Variants in PLCZ1 observed in about 807,000 individuals in gnomAD.
PLCZ1 encodes 1-phosphatidylinositol 4,5-bisphosphate phosphodiesterase zeta-1.
A neutral mutation model predicts 76.8 loss-of-function variants in PLCZ1; 64 were observed. That is an observed-to-expected ratio of 0.83 (90% confidence interval 0.68 to 1.03). The LOEUF (loss-of-function observed/expected upper bound fraction) is 1.03, where lower values mean the gene tolerates loss of function less well. Ranked by LOEUF, PLCZ1 falls within the 50% of genes least tolerant of loss-of-function variation. The pLI, the probability that PLCZ1 is intolerant of heterozygous loss-of-function variation, is 0.00. For synonymous variants in PLCZ1, 248 were observed against 230.8 expected (o/e 1.07, Z -0.68); for missense variants, 751 against 713.7 (o/e 1.05, Z -0.60).
chr12:18,667,635 G>A, the PLCZ1 span, among the ~76,000 whole-genome samples: 2 of 152,056 alleles, frequency 1.3e-5, no homozygotes, highest in Admixed American at 6.6e-5. Context: ...AGGAGTTAGC[G>A]TTTATTGAAG....
chr12:18,683,386 C>G lies in PLCZ1; in HGVS notation c.1742-62G>C. On this transcript the variant is annotated intron_variant, in intron 14 of 14. Coordinates refer to ENST00000266505, the MANE Select transcript of PLCZ1 (RefSeq NM_033123.4). The stretch of plus-strand genomic sequence containing the variant: ...AATTAATCAGTGGTGTCTCCAATAG[C>G]CTTGCTGAGAAACAAGAGCTCTTTA... The G allele has an allele frequency of 6.5e-6, 10 of 1,547,506 alleles. No individual in the cohort carries two copies. The South Asian group carries it at 1.1e-4, about 17-fold the overall frequency.
the PLCZ1 span, among the ~76,000 whole-genome samples, chr12:18,646,376 C>G: frequency 6.6e-6 from 1 of 152,084 alleles, no homozygotes; most frequent in Non-Finnish European, 1.5e-5. Flanking sequence ...AAGAGGTAGC[C>G]AAGAACACTC....
At chr12:18,671,358 C>T in the PLCZ1 span, among the ~76,000 whole-genome samples, 2 of 151,940 alleles carry the variant, frequency 1.3e-5, no homozygotes, top group East Asian at 1.9e-4. Flanking sequence ...CGAGTAAGTA[C>T]AGCTGGGAAG....
the PLCZ1 span, among the ~76,000 whole-genome samples, chr12:18,665,012 TG>T: frequency 1.5e-3 from 81 of 53,350 alleles, no homozygotes; most frequent in Middle Eastern, 0.036. Context: ...TGTTGTGGGG[TG>T]GGGGGAGGGG....
Position 18,693,135 on chromosome 12 carries a change from C to T in PLCZ1, c.1461+1775G>A, listed in dbSNP as rs968906721. ...CTTGGAAGAGATCATTGATGACAAT[C>T]ATGCCATCGTGTCTACATCTGTGGG... On this transcript the variant is annotated intron_variant, in intron 12 of 14. Coordinates refer to ENST00000266505, the MANE Select transcript of PLCZ1 (RefSeq NM_033123.4). 7.3e-5 allele frequency: 110 copies of T among 1,510,994 alleles called. 2 individuals carry two copies. In the South Asian group the frequency reaches 1.2e-3, roughly 16 times the overall value. The allele number at this position is 1,510,994 out of a possible 1,614,324, so 93.6% of individuals were successfully genotyped here.
At chr12:18,693,268 T>C (rs1954413949) in intron 12 of PLCZ1, 5 of 1,517,210 alleles carry the variant, frequency 3.3e-6, no homozygotes, top group Non-Finnish European at 4.6e-6. Context: ...GGGGTGCTGA[T>C]GGATGACATG....
intron 9 of PLCZ1, among the ~76,000 whole-genome samples, chr12:18,701,083 C>G (rs1955843276): frequency 6.6e-6 from 1 of 151,732 alleles, no homozygotes; most frequent in African/African-American, 2.4e-5. Flanking sequence ...GTCCCAGGTT[C>G]AAGCAATTCT....
At chr12:18,649,784 A>G in the PLCZ1 span, among the ~76,000 whole-genome samples, 12 of 152,162 alleles carry the variant, frequency 7.9e-5, no homozygotes, top group Non-Finnish European at 1.2e-4. Context: ...GAGTAACTCT[A>G]TCTTCCTGGA....
At chr12:18,734,679 G>A (rs934294989) in intron 3 of PLCZ1, among the ~76,000 whole-genome samples, 1 of 152,138 alleles carries the variant, frequency 6.6e-6, no homozygotes, top group Non-Finnish European at 1.5e-5. Context: ...AAAATCTTCA[G>A]GAGTTTCTAC....
intron 6 of PLCZ1, among the ~76,000 whole-genome samples, chr12:18,707,298 C>A (rs1219804537): frequency 6.6e-6 from 1 of 152,158 alleles, no homozygotes; most frequent in Admixed American, 6.5e-5. Context: ...CACTGACTCA[C>A]TCTGATCCCA....
intron 6 of PLCZ1, 149 bp downstream of exon 6, chr12:18,712,693 C>A: frequency 1.0e-6 from 1 of 957,938 alleles, no homozygotes; most frequent in Admixed American, 2.1e-5. Context: ...TAACTATATA[C>A]AACATGGATT....
intron 4 of PLCZ1, among the ~76,000 whole-genome samples, chr12:18,720,479 A>G (rs1010299964): frequency 7.9e-5 from 12 of 151,366 alleles, no homozygotes; most frequent in Non-Finnish European, 1.6e-4. Flanking sequence ...TCTATCAAGC[A>G]GAAGACTGGC....
intron 7 of PLCZ1, among the ~76,000 whole-genome samples, chr12:18,703,550 C>A (rs1956210593): frequency 6.6e-6 from 1 of 152,132 alleles, no homozygotes; most frequent in Non-Finnish European, 1.5e-5. Flanking sequence ...CAAACCCTGA[C>A]TAAATGACCT....
chr12:18,668,838 C>T, the PLCZ1 span, among the ~76,000 whole-genome samples: 24 of 152,210 alleles, frequency 1.6e-4, no homozygotes, highest in African/African-American at 4.6e-4. Context: ...TCAGAATACA[C>T]GAGTGCAGAA....
the PLCZ1 span, among the ~76,000 whole-genome samples, chr12:18,673,578 T>C: frequency 2.6e-5 from 4 of 152,228 alleles, no homozygotes; most frequent in Non-Finnish European, 4.4e-5. Flanking sequence ...TAGTTATCTA[T>C]TGTTATGTAA....
At position 18,737,988 on chromosome 12, in the gene PLCZ1, T is replaced by C. The variant is rs563994473; in HGVS notation, c.-195A>G. On this transcript the variant is annotated 5_prime_UTR_variant, in exon 1 of 15. Coordinates refer to ENST00000266505, the MANE Select transcript of PLCZ1 (RefSeq NM_033123.4). ...GTTCTTAAAATCTTCAAAAGAGGTA[T>C]AGCTGGTTGGCTGGGCACCACACTG... The C allele has an allele frequency of 6.9e-6, 3 of 436,388 alleles. No homozygotes were observed. Among genetic ancestry groups the C allele is most frequent in the South Asian group, 4.3e-5 (1 of 23,138 alleles). 27.0% of individuals were successfully genotyped at this position (436,388 alleles called of 1,614,324 possible). A position where few individuals can be genotyped will look rare whatever the true frequency, so the allele number is the denominator to read the frequency against.
At chr12:18,667,545 C>CT in the PLCZ1 span, among the ~76,000 whole-genome samples, 4 of 152,070 alleles carry the variant, frequency 2.6e-5, no homozygotes, top group South Asian at 8.3e-4. Flanking sequence ...ATATTTAAGA[C>CT]TTTTTTTCTT....
At chr12:18,649,301 C>T in the PLCZ1 span, among the ~76,000 whole-genome samples, 2 of 152,098 alleles carry the variant, frequency 1.3e-5, no homozygotes, top group South Asian at 4.1e-4. Context: ...CCATGTTCCA[C>T]CTCTCTGCTT....
At chr12:18,659,464 T>C in the PLCZ1 span, among the ~76,000 whole-genome samples, 27 of 152,270 alleles carry the variant, frequency 1.8e-4, no homozygotes, top group South Asian at 6.2e-4. Flanking sequence ...TAAACAAGAA[T>C]ATTCTCTCTC....
Sources: gnomAD v4.1 joint callset for allele counts (sites outside exome capture counted in the v4.1 genomes callset) on GRCh38, gnomAD v4.1.1 for gene constraint, MANE v1.5 for transcripts, NCBI Gene and HGNC (gene_info 2026-07-23, HGNC 2026-07-21) for gene names.